The following NOSTRIN variants were observed in gnomAD, a reference collection of about 807,000 sequenced individuals.
NOSTRIN encodes BM247 homolog.
NOSTRIN carries 63 observed loss-of-function variants against 59.0 expected under a neutral mutation model. The ratio of observed to expected loss-of-function variants is 1.07; its 90% CI spans 0.87 to 1.32. The LOEUF (loss-of-function observed/expected upper bound fraction) is 1.32, where lower values mean the gene tolerates loss of function less well. Ranked by LOEUF, NOSTRIN falls within the 40% of genes most tolerant of loss-of-function variation. The pLI, the probability that NOSTRIN is intolerant of heterozygous loss-of-function variation, is 0.00. For synonymous variants in NOSTRIN, 200 were observed against 165.4 expected (o/e 1.21, Z -1.61); for missense variants, 512 against 473.1 (o/e 1.08, Z -0.76).
intron 1 of NOSTRIN, among the ~76,000 whole-genome samples, chr2:168,787,417 T>G (rs1685233804): frequency 6.6e-6 from 1 of 152,200 alleles, no homozygotes; most frequent in Non-Finnish European, 1.5e-5. Context: ...TGTCGCTAAC[T>G]CTTACTTGGC....
chr2:168,863,447 G>A, intron 15 of NOSTRIN: 1 of 985,226 alleles, frequency 1.0e-6, no homozygotes, highest in Non-Finnish European at 1.2e-6. Context: ...CAAATAAAAA[G>A]TAGCTCTTGG....
chr2:168,843,025 T>C lies in NOSTRIN; in HGVS notation c.538T>C (p.Leu180=), dbSNP rs1688192475. Reference sequence around the variant, plus strand: ...TAAACTGACAAAATCAACTGAAAAGTTGGAAAAGGAAGATGAAAATTACTA... The same window carrying C: ...TAAACTGACAAAATCAACTGAAAAGCTGGAAAAGGAAGATGAAAATTACTA... ...LNKLTKSTEK[L]EKEDENYYQK... Residue 180 remains leucine (L), a synonymous_variant, in exon 8 of 16, where the codon TTG becomes CTG. Transcript: ENST00000317647. 1 of 872,426 alleles carries C rather than the reference T, an allele frequency of 1.1e-6. No individual in the cohort carries two copies. The highest frequency in any genetic ancestry group is 2.0e-6 in the Non-Finnish European group (1 of 501,512). 54.0% of individuals were successfully genotyped at this position (872,426 alleles called of 1,614,324 possible). A position where few individuals can be genotyped will look rare whatever the true frequency, so the allele number is the denominator to read the frequency against.
rs539263155 is a variant in NOSTRIN, at chr2:168,863,451, C to G, written c.1385-1383C>G. On this transcript the variant is annotated intron_variant, in intron 15 of 15. Transcript: ENST00000317647. ...CAGAATGATGCCAAATAAAAAGTAGCTCTTGGATCCTGACGGGGGCAGATG... is the reference window on the plus strand; with the variant it reads ...CAGAATGATGCCAAATAAAAAGTAGGTCTTGGATCCTGACGGGGGCAGATG... 184 of 985,132 alleles carry G rather than the reference C, an allele frequency of 1.9e-4. 3 individuals are homozygous for G. In the African/African-American group the frequency reaches 2.8e-3, roughly 15 times the overall value. The allele number at this position is 985,132 out of a possible 1,614,324, so 61.0% of individuals were successfully genotyped here.
intron 14 of NOSTRIN, 100 bp from the exon 15 acceptor site, chr2:168,861,860 A>C: frequency 1.9e-6 from 2 of 1,072,726 alleles, no homozygotes. Flanking sequence ...AATTTAATAT[A>C]TTGAAACTCT....
chr2:168,838,870 C>T (rs906723092), intron 7 of NOSTRIN, among the ~76,000 whole-genome samples: 5 of 150,976 alleles, frequency 3.3e-5, no homozygotes, highest in African/African-American at 4.9e-5. Flanking sequence ...CGACTGCAAC[C>T]TCTGCCTCCC....
chr2:168,860,744 T>C, intron 13 of NOSTRIN, 51 bp from the exon 14 acceptor site: 3 of 1,107,450 alleles, frequency 2.7e-6, no homozygotes, highest in Non-Finnish European at 4.1e-6. Flanking sequence ...TTTTCATGAA[T>C]GTTTATGATA....
At chr2:168,799,373 C>T (rs1489442233), upstream of NOSTRIN, among the ~76,000 whole-genome samples, 1 of 152,198 alleles carries the variant, frequency 6.6e-6, no homozygotes, top group African/African-American at 2.4e-5. Context: ...TCCTCTTACT[C>T]ACATGGGAAC....
At chr2:168,821,995 T>A (rs998640759) in intron 2 of NOSTRIN, among the ~76,000 whole-genome samples, 2 of 152,192 alleles carry the variant, frequency 1.3e-5, no homozygotes, top group Non-Finnish European at 2.9e-5. Context: ...AACTTCTTTT[T>A]AACAGTACCT....
intron 8 of NOSTRIN, among the ~76,000 whole-genome samples, chr2:168,849,354 TTTC>T (rs1025815680): frequency 1.3e-5 from 2 of 151,884 alleles, no homozygotes; most frequent in Admixed American, 6.5e-5. Context: ...TTTCTTTCTC[TTTC>T]TTCTTTTCTT....
chr2:168,798,423 A>C (rs779979957), upstream of NOSTRIN, among the ~76,000 whole-genome samples: 3 of 152,194 alleles, frequency 2.0e-5, no homozygotes, highest in Non-Finnish European at 2.9e-5. Flanking sequence ...TTTGTTTGTG[A>C]ATACTTCATA....
At chr2:168,845,790 CTTTT>C (rs3216710) in intron 8 of NOSTRIN, among the ~76,000 whole-genome samples, 14 of 140,630 alleles carry the variant, frequency 1.0e-4, no homozygotes, top group African/African-American at 3.5e-4. Context: ...TTTTTTCTTC[CTTTT>C]TTTTTTTTTT....
At chr2:168,809,750 A>G (rs528717294) in intron 1 of NOSTRIN, among the ~76,000 whole-genome samples, 3 of 147,848 alleles carry the variant, frequency 2.0e-5, no homozygotes, top group Non-Finnish European at 4.5e-5. Flanking sequence ...TAAAATATTT[A>G]TATATTAAAT....
At chr2:168,850,448 G>T (rs1320014746) in intron 8 of NOSTRIN, among the ~76,000 whole-genome samples, 1 of 152,142 alleles carries the variant, frequency 6.6e-6, no homozygotes, top group Non-Finnish European at 1.5e-5. Context: ...CTTAAACAGA[G>T]AATTTGTGGC....
chr2:168,829,441 C>T (rs1687242270), intron 5 of NOSTRIN, among the ~76,000 whole-genome samples: 1 of 152,100 alleles, frequency 6.6e-6, no homozygotes, highest in Non-Finnish European at 1.5e-5. Flanking sequence ...CTGCCTCAGC[C>T]TCTCGAGTAG....
chr2:168,856,404 G>C lies in NOSTRIN; in HGVS notation c.965-286G>C, dbSNP rs539279107. ...AGTTTGGCCAACATGATGAAACTGTGTCTCTACTAAAAATACGAAAATTAG... is the reference window on the plus strand; with the variant it reads ...AGTTTGGCCAACATGATGAAACTGTCTCTCTACTAAAAATACGAAAATTAG... On this transcript the variant is annotated intron_variant, in intron 11 of 15. Coordinates refer to ENST00000317647, the MANE Select transcript of NOSTRIN (RefSeq NM_001039724.4). 8.3e-6 allele frequency: 3 copies of C among 361,214 alleles called. No individual in the cohort carries two copies. In the South Asian group the frequency reaches 8.5e-5, roughly 10 times the overall value. The allele number at this position is 361,214 out of a possible 1,614,324, so 22.4% of individuals were successfully genotyped here.
At chr2:168,816,680 G>A (rs2105574202) in intron 2 of NOSTRIN, among the ~76,000 whole-genome samples, 1 of 152,310 alleles carries the variant, frequency 6.6e-6, no homozygotes, top group South Asian at 2.1e-4. Flanking sequence ...TCAGTTCTAT[G>A]TGTAGAATTA....
At chr2:168,842,840 G>A (rs518337) in intron 7 of NOSTRIN, 152 bp from the exon 8 acceptor site, 304,541 of 600,442 alleles carry the variant, frequency 0.51, 79,364 homozygotes, top group South Asian at 0.63. Flanking sequence ...TTCTTATAAA[G>A]ATCTTTCATT....
intron 15 of NOSTRIN, chr2:168,863,257 G>GTCAATTTACTGACGAGGGAGAACT (rs1181780074): frequency 3.6e-6 from 1 of 273,974 alleles, no homozygotes; most frequent in African/African-American, 2.3e-5. Context: ...AATAGATTAT[G>GTCAATTTACTGACGAGGGAGAACT]TCAATTTACT....
At chr2:168,829,564 G>A (rs533090956) in intron 5 of NOSTRIN, among the ~76,000 whole-genome samples, 2 of 152,212 alleles carry the variant, frequency 1.3e-5, no homozygotes, top group East Asian at 3.9e-4. Flanking sequence ...CAGGTGATCC[G>A]CCCATCTTGG....
Sources: gnomAD v4.1 joint callset for allele counts (sites outside exome capture counted in the v4.1 genomes callset) on GRCh38, gnomAD v4.1.1 for gene constraint, MANE v1.5 for transcripts, NCBI Gene and HGNC (gene_info 2026-07-23, HGNC 2026-07-21) for gene names.